The following EYS variants were observed in gnomAD, a reference collection of about 807,000 sequenced individuals.
The protein encoded by EYS is protein eyes shut homolog.
Under a neutral mutation model 282.1 loss-of-function variants are expected in EYS, and 250 were observed. The observed-to-expected ratio is 0.89, with a 90% CI of 0.80 to 0.98. The LOEUF is 0.98. EYS is among the 50% of genes least tolerant of loss of function. The pLI, the probability that EYS is intolerant of heterozygous loss-of-function variation, is 0.00. For synonymous variants in EYS, 1,355 were observed against 1,282.9 expected, an observed-to-expected ratio of 1.06 and a Z score of -1.20; for missense variants, 4,016 against 3,709.0, an observed-to-expected ratio of 1.08 and a Z score of -2.15.
chr6:64,171,047 T>C (rs548940868), intron 31 of EYS, among the ~76,000 whole-genome samples: 1 of 152,302 alleles, frequency 6.6e-6, no homozygotes, highest in South Asian at 2.1e-4. Context: ...ATATTGCTTA[T>C]CCGTAAATTT....
Position 65,361,612 on chromosome 6 carries a change from T to C in EYS, c.1300-7995A>G, listed in dbSNP as rs538757378. Among the ~76,000 whole-genome samples, 9 of 152,106 alleles carry C rather than the reference T, an allele frequency of 5.9e-5. No homozygotes were observed. In the South Asian group the frequency reaches 1.9e-3, roughly 32 times the overall value. On this transcript the variant is annotated intron_variant, in intron 8 of 42. Coordinates refer to ENST00000503581, the MANE Select transcript of EYS (RefSeq NM_001142800.2). Reference sequence around the variant, plus strand: ...CATCTGCCCATGTCAGCCTCCTGAGTAGCTGGGACTGCAGACATGCACCAC... The same window carrying C: ...CATCTGCCCATGTCAGCCTCCTGAGCAGCTGGGACTGCAGACATGCACCAC...
intron 35 of EYS, among the ~76,000 whole-genome samples, chr6:63,941,843 C>T (rs755478674): frequency 6.6e-6 from 1 of 152,176 alleles, no homozygotes; most frequent in Non-Finnish European, 1.5e-5. Flanking sequence ...GCCAGTCTTT[C>T]GGTTGTGCAA....
At chr6:64,746,438 A>C (rs1315224130) in intron 22 of EYS, among the ~76,000 whole-genome samples, 1 of 152,130 alleles carries the variant, frequency 6.6e-6, no homozygotes, top group Non-Finnish European at 1.5e-5. Flanking sequence ...CTCCAGAACC[A>C]TGAGCCAATA....
At chr6:65,022,690 A>G (rs922127960) in intron 13 of EYS, among the ~76,000 whole-genome samples, 3 of 148,968 alleles carry the variant, frequency 2.0e-5, no homozygotes, top group East Asian at 3.9e-4. Flanking sequence ...ATTATATATT[A>G]ATATATATTA....
intron 2 of EYS, among the ~76,000 whole-genome samples, chr6:65,604,355 C>A (rs1443266316): frequency 6.6e-6 from 1 of 151,920 alleles, no homozygotes; most frequent in Non-Finnish European, 1.5e-5. Flanking sequence ...GATGTGCGGG[C>A]AATTCTAGGG....
At chr6:65,254,736 C>T (rs181087648) in intron 12 of EYS, among the ~76,000 whole-genome samples, 7 of 151,754 alleles carry the variant, frequency 4.6e-5, no homozygotes, top group Admixed American at 1.3e-4. Context: ...TGGTGCCTTG[C>T]GGAATAATGT....
At chr6:64,228,973 C>G (rs143844478) in intron 31 of EYS, among the ~76,000 whole-genome samples, 1 of 152,156 alleles carries the variant, frequency 6.6e-6, no homozygotes, top group South Asian at 2.1e-4. Context: ...GATACACTAA[C>G]ATTAAAAAAT....
chr6:63,997,948 T>C (rs1320931011), intron 34 of EYS, among the ~76,000 whole-genome samples: 1 of 152,184 alleles, frequency 6.6e-6, no homozygotes, highest in East Asian at 1.9e-4. Context: ...ATTCATATAT[T>C]TTCTACTGCT....
At chr6:65,113,379 G>T (rs4549603) in intron 12 of EYS, among the ~76,000 whole-genome samples, 39,693 of 151,536 alleles carry the variant, frequency 0.26, 6,361 homozygotes, top group African/African-American at 0.45. Flanking sequence ...ATTTTATAGA[G>T]TGTATTGAGA....
intron 35 of EYS, among the ~76,000 whole-genome samples, chr6:63,959,873 G>A (rs1765980308): frequency 6.6e-6 from 1 of 152,218 alleles, no homozygotes; most frequent in Non-Finnish European, 1.5e-5. Flanking sequence ...TGGGGGGTAA[G>A]GGAAGGGAAA....
chr6:64,314,394 G>T (rs767902564), intron 29 of EYS, among the ~76,000 whole-genome samples: 3 of 152,024 alleles, frequency 2.0e-5, no homozygotes, highest in Non-Finnish European at 4.4e-5. Context: ...CAAGTTCTTA[G>T]AGACCTACAA....
chr6:65,545,134 T>C (rs1768333396), intron 2 of EYS, among the ~76,000 whole-genome samples: 1 of 152,014 alleles, frequency 6.6e-6, no homozygotes, highest in African/African-American at 2.4e-5. Context: ...AAAGAAGATG[T>C]TAAAAAGAAA....
intron 35 of EYS, among the ~76,000 whole-genome samples, chr6:63,912,646 G>A (rs901021493): frequency 1.5e-4 from 23 of 152,136 alleles, no homozygotes; most frequent in Non-Finnish European, 2.8e-4. Flanking sequence ...TGTTGGAGGG[G>A]GGCCTGGTGG....
chr6:64,297,247 T>C (rs1769064990), intron 30 of EYS, among the ~76,000 whole-genome samples: 1 of 152,214 alleles, frequency 6.6e-6, no homozygotes, highest in Non-Finnish European at 1.5e-5. Flanking sequence ...CCCCCCATTG[T>C]TGTTACTCCC....
intron 12 of EYS, among the ~76,000 whole-genome samples, chr6:65,104,298 G>T (rs1018455502): frequency 6.6e-6 from 1 of 151,262 alleles, no homozygotes; most frequent in African/African-American, 2.4e-5. Flanking sequence ...CTTATAATGT[G>T]TCCTTCAATG....
chr6:65,081,197 T>C (rs937852057), intron 12 of EYS, among the ~76,000 whole-genome samples: 14 of 152,102 alleles, frequency 9.2e-5, no homozygotes, highest in Admixed American at 2.0e-4. Flanking sequence ...GATCATTATG[T>C]GTCAGATACT....
At chr6:65,684,552 T>G (rs1243696614) in intron 1 of EYS, among the ~76,000 whole-genome samples, 1 of 152,006 alleles carries the variant, frequency 6.6e-6, no homozygotes, top group East Asian at 1.9e-4. Flanking sequence ...TACACGTTTG[T>G]GTGTGTTCTA....
intron 26 of EYS, among the ~76,000 whole-genome samples, chr6:64,462,477 T>C (rs1041954814): frequency 6.6e-6 from 1 of 152,166 alleles, no homozygotes; most frequent in East Asian, 1.9e-4. Flanking sequence ...AGCACATAGA[T>C]GGTTTGGTGA....
chr6:64,117,065 T>G (rs1270051984), intron 31 of EYS, among the ~76,000 whole-genome samples: 2 of 152,056 alleles, frequency 1.3e-5, no homozygotes, highest in South Asian at 2.1e-4. Flanking sequence ...TTAGACCAAC[T>G]GAACCTAATA....
Sources: allele counts gnomAD v4.1 joint callset (sites outside exome capture counted in the v4.1 genomes callset), GRCh38; gene constraint gnomAD v4.1.1; transcripts MANE v1.5; gene names NCBI Gene and HGNC (gene_info 2026-07-23, HGNC 2026-07-21).